CFD: variants seen among roughly 807,000 people sequenced by gnomAD.
The protein encoded by CFD is C3 convertase activator.
CFD carries 24 observed loss-of-function variants against 21.1 expected under a neutral mutation model. The observed-to-expected ratio is 1.14, with a 90% CI of 0.82 to 1.60. The LOEUF is 1.60. CFD is among the 40% of genes most tolerant of loss of function. CFD has a pLI of 0.00. For synonymous variants in CFD, 242 were observed against 175.9 expected (o/e 1.38, Z -2.97); for missense variants, 535 against 383.3 (o/e 1.40, Z -3.31).
chr19:862,034 G>A, intron 4 of CFD, 78 bp downstream of exon 4: 4 of 1,492,704 alleles, frequency 2.7e-6, no homozygotes, highest in Non-Finnish European at 3.5e-6. Context: ...CGAAGCGGGG[G>A]GCAAGTAGGA....
rs1474126867 is a variant in CFD at position 861,858 on chromosome 19, G to T, written c.517G>T (p.Val173Leu). ...PDSLQHVLLPVLDRATCNRRT... is the reference protein window; with the variant it reads ...PDSLQHVLLPLLDRATCNRRT... ...CAGCCTGCAGCACGTGCTCTTGCCA[G>T]TGCTGGACCGCGCCACCTGCAACCG... The change falls in exon 4 of 5, where the codon GTG becomes TTG. Residue 173 changes from valine (V) to leucine (L), a missense_variant. Coordinates refer to ENST00000327726, the MANE Select transcript of CFD (RefSeq NM_001928.4). The T allele has an allele frequency of 6.3e-7, 1 of 1,597,232 alleles. No homozygotes were observed. The highest frequency in any genetic ancestry group is 2.2e-5 in the East Asian group (1 of 44,594).
chr19:859,827 C>T, intron 1 of CFD, 83 bp downstream of exon 1: 1 of 1,096,734 alleles, frequency 9.1e-7, no homozygotes, highest in South Asian at 1.3e-5. Flanking sequence ...GGTCCTCCAG[C>T]CCCTCCAGGT....
intron 4 of CFD, among the ~76,000 whole-genome samples, chr19:862,787 G>T (rs1205903661): frequency 1.1e-5 from 1 of 90,424 alleles, no homozygotes; most frequent in African/African-American, 4.2e-5. Flanking sequence ...GGAAGAGCAG[G>T]AATGAGGTGT....
At chr19:861,987 G>C (rs746144907) in intron 4 of CFD, 31 bp downstream of exon 4, 16 of 1,517,842 alleles carry the variant, frequency 1.1e-5, no homozygotes, top group South Asian at 9.6e-5. Flanking sequence ...GGAGACGCGG[G>C]GCCTGCAGGC....
At chr19:862,052 C>T (rs2035805464) in intron 4 of CFD, 96 bp downstream of exon 4, 3 of 1,468,662 alleles carry the variant, frequency 2.0e-6, no homozygotes, top group Non-Finnish European at 2.7e-6. Context: ...GGAACAGGGC[C>T]CAGGGAAGGG....
rs769255069 is a variant in CFD at position 861,753 on chromosome 19, G to C, written c.412G>C (p.Val138Leu). The change falls in exon 4 of 5, where the codon GTG becomes CTG. Residue 138 changes from valine (V) to leucine (L), a missense_variant. Coordinates refer to ENST00000327726, the MANE Select transcript of CFD (RefSeq NM_001928.4). ...PAVRPLPWQR[V>L]DRDVAPGTLC... ...TGTGCGCCCCCTGCCCTGGCAGCGC[G>C]TGGACCGCGACGTGGCACCGGGAAC... is the stretch of plus-strand genomic sequence containing the variant. The C allele has an allele frequency of 6.2e-7, 1 of 1,605,610 alleles. No homozygotes were observed. The highest frequency in any genetic ancestry group is 8.5e-7 in the Non-Finnish European group (1 of 1,178,234).
intron 4 of CFD, 148 bp from the exon 5 acceptor site, chr19:862,944 G>A (rs185476946): frequency 2.4e-5 from 19 of 775,842 alleles, no homozygotes; most frequent in South Asian, 2.4e-4. Context: ...TAGGCGTGGC[G>A]CGGGGCTATT....
At position 863,205 on chromosome 19, in the gene CFD, C is replaced by G. The variant is rs997049175; in HGVS notation, c.729C>G (p.Ser243Arg). 2 of 1,541,828 alleles carry G rather than the reference C, an allele frequency of 1.3e-6. No homozygotes were observed. The highest frequency in any genetic ancestry group is 1.7e-6 in the Non-Finnish European group (2 of 1,149,654). Residue 243 changes from serine (S) to arginine (R), a missense_variant, in exon 5 of 5, where the codon AGC becomes AGG. Transcript: ENST00000327726. Reference protein sequence around the residue: ...KKPGIYTRVASYAAWIDSVLA With the variant: ...KKPGIYTRVARYAAWIDSVLA ...CCGGGATCTACACCCGCGTGGCGAG[C>G]TATGCGGCCTGGATCGACAGCGTCC... is the stretch of plus-strand genomic sequence containing the variant.
rs2035840930 is a variant in CFD at position 863,449 on chromosome 19, G to C, written c.*211G>C. 4 of 619,168 alleles carry C rather than the reference G, an allele frequency of 6.5e-6. No homozygotes were observed. Among genetic ancestry groups the C allele is most frequent in the Non-Finnish European group, 1.1e-5 (4 of 348,706 alleles). The allele number at this position is 619,168 out of a possible 1,614,324, so 38.4% of individuals were successfully genotyped here. On this transcript the variant is annotated 3_prime_UTR_variant, in exon 5 of 5. Coordinates refer to ENST00000327726, the MANE Select transcript of CFD (RefSeq NM_001928.4). ...CTACAAATAAATAAAAAATTAGCTG[G>C]GCAATTGGCGGGCATGGAGGTGGGT...
chr19:860,197 CTT>C (rs564736651), intron 1 of CFD, among the ~76,000 whole-genome samples: 4 of 146,006 alleles, frequency 2.7e-5, no homozygotes. Flanking sequence ...TTTTTTCTTT[CTT>C]TTTTTTTTTG....
intron 2 of CFD, 26 bp downstream of exon 2, chr19:860,799 A>G (rs2035778111): frequency 6.4e-7 from 1 of 1,558,298 alleles, no homozygotes; most frequent in Non-Finnish European, 8.6e-7. Context: ...GCGCGGGGGA[A>G]GAGCCCGGGT....
chr19:860,783 C>T lies in CFD; in HGVS notation c.212+10C>T. The T allele has an allele frequency of 1.9e-6, 3 of 1,561,812 alleles. No homozygotes were observed. The highest frequency in any genetic ancestry group is 2.6e-6 in the Non-Finnish European group (3 of 1,162,434). ...ACTGCCTGGAGGACGCGTGAGTGCCCGCGCCGCGCGGGGGAAGAGCCCGGG... is the reference window on the plus strand; with the variant it reads ...ACTGCCTGGAGGACGCGTGAGTGCCTGCGCCGCGCGGGGGAAGAGCCCGGG... On this transcript the variant is annotated intron_variant, in intron 2 of 4. Transcript: ENST00000327726.
intron 1 of CFD, among the ~76,000 whole-genome samples, chr19:860,181 A>C (rs1232355672): frequency 6.7e-6 from 1 of 150,088 alleles, no homozygotes; most frequent in Admixed American, 6.6e-5. Context: ...CGGAAACGGG[A>C]TTCTTTTTTT....
At position 859,740 on chromosome 19, in the gene CFD, C is replaced by T; in HGVS notation, c.51C>T (p.Ala17=). 1 of 1,570,822 alleles carries T rather than the reference C, an allele frequency of 6.4e-7. No individual in the cohort carries two copies. The highest frequency in any genetic ancestry group is 2.3e-5 in the East Asian group (1 of 42,920). The change falls in exon 1 of 5, where the codon GCC becomes GCT. Residue 17 remains alanine (A), a synonymous_variant. Coordinates refer to ENST00000327726, the MANE Select transcript of CFD (RefSeq NM_001928.4). ...LAVLVLLGAA[A]CAAPPRGRIL... is the part of the protein sequence containing the mutation. ...TTCTGGTCCTCCTAGGAGCGGCCGC[C>T]TGCGGTGAGGAGGCCTGGGCCTGGG...
At chr19:861,062 ACTCCACCCCG>A (rs2035784923) in intron 3 of CFD, 57 bp downstream of exon 3, 2 of 1,531,132 alleles carry the variant, frequency 1.3e-6, no homozygotes, top group Non-Finnish European at 1.7e-6. Flanking sequence ...GCCCACCCTC[ACTCCACCCCG>A]CCTACACCGC....
chr19:863,276 AAAGTCCCGAGCAATG>A lies in CFD; in HGVS notation c.*44_*58del, dbSNP rs2035837548. 2 of 1,544,088 alleles carry A rather than the reference AAAGTCCCGAGCAATG, an allele frequency of 1.3e-6. No homozygotes were observed. The highest frequency in any genetic ancestry group is 1.7e-6 in the Non-Finnish European group (2 of 1,151,174). ...TGAAGGTCAGGGTCACCCAAGCAAC[AAAGTCCCGAGCAATG>A]AAGTCATCCACTCCTGCATCTGGTT... On this transcript the variant is annotated 3_prime_UTR_variant, in exon 5 of 5. Coordinates refer to ENST00000327726, the MANE Select transcript of CFD (RefSeq NM_001928.4).
chr19:861,132 C>A (rs1281183063), intron 3 of CFD, 127 bp downstream of exon 3: 1 of 721,520 alleles, frequency 1.4e-6, no homozygotes, highest in Admixed American at 2.1e-5. Context: ...CCCCGCCCCA[C>A]AACCCCCACA....
chr19:862,798 G>C (rs2035822315), intron 4 of CFD, among the ~76,000 whole-genome samples: 1 of 48,592 alleles, frequency 2.1e-5, no homozygotes, highest in African/African-American at 7.2e-5. Context: ...AATGAGGTGT[G>C]GGACCCCCAT....
intron 4 of CFD, 65 bp from the exon 5 acceptor site, chr19:863,027 G>T: frequency 1.4e-6 from 2 of 1,432,526 alleles, no homozygotes; most frequent in Non-Finnish European, 1.8e-6. Context: ...CCAGGTGAGG[G>T]GGTCTAACAC....
Sources: gnomAD v4.1 joint callset for allele counts (sites outside exome capture counted in the v4.1 genomes callset) on GRCh38, gnomAD v4.1.1 for gene constraint, MANE v1.5 for transcripts, NCBI Gene and HGNC (gene_info 2026-07-23, HGNC 2026-07-21) for gene names.